EPHA5: variants seen among roughly 807,000 people sequenced by gnomAD.
EPHA5 encodes the protein ephrin type-A receptor 5.
Under a neutral mutation model 105.0 loss-of-function variants are expected in EPHA5, and 60 were observed. That is an observed-to-expected ratio of 0.57 (90% confidence interval 0.46 to 0.71). The LOEUF is 0.71. EPHA5 is among the 30% of genes least tolerant of loss of function. EPHA5 has a pLI of 0.00. For synonymous variants in EPHA5, 513 were observed against 449.1 expected (o/e 1.14, Z -1.80); for missense variants, 1,218 against 1,274.7 (o/e 0.96, Z 0.68).
chr4:65,430,189 C>T (rs1033887094), intron 5 of EPHA5, among the ~76,000 whole-genome samples: 4 of 152,006 alleles, frequency 2.6e-5, no homozygotes, highest in Non-Finnish European at 5.9e-5. Flanking sequence ...AAACAGATCA[C>T]GCAGAGAAAT....
intron 3 of EPHA5, among the ~76,000 whole-genome samples, chr4:65,564,792 C>T (rs1739362325): frequency 6.6e-6 from 1 of 151,666 alleles, no homozygotes. Context: ...TACATATATA[C>T]TTTTATAGAA....
chr4:65,347,352 T>C (rs1345724553), intron 14 of EPHA5, among the ~76,000 whole-genome samples: 1 of 152,162 alleles, frequency 6.6e-6, no homozygotes, highest in Non-Finnish European at 1.5e-5. Context: ...AATAAAAATA[T>C]GAAATTTCCA....
intron 3 of EPHA5, among the ~76,000 whole-genome samples, chr4:65,575,944 T>G (rs1195996990): frequency 2.8e-5 from 4 of 145,382 alleles, no homozygotes; most frequent in Admixed American, 7.1e-5. Flanking sequence ...GCCACTGCAC[T>G]GCAGTCTGGT....
intron 5 of EPHA5, among the ~76,000 whole-genome samples, chr4:65,430,021 G>GA (rs1488394084): frequency 6.6e-6 from 1 of 151,834 alleles, no homozygotes; most frequent in Non-Finnish European, 1.5e-5. Flanking sequence ...TTAAAGTCCA[G>GA]AAAAAAAGCC....
chr4:65,482,176 T>C (rs1290983708), intron 5 of EPHA5, among the ~76,000 whole-genome samples: 1 of 151,666 alleles, frequency 6.6e-6, no homozygotes, highest in East Asian at 2.0e-4. Flanking sequence ...TGGGTGCTTG[T>C]AATCCCACCT....
intron 1 of EPHA5, among the ~76,000 whole-genome samples, chr4:65,644,233 C>T (rs982409774): frequency 7.9e-5 from 12 of 152,006 alleles, no homozygotes; most frequent in Admixed American, 6.6e-4. Flanking sequence ...CATGCACACA[C>T]ATACACACTC....
At chr4:65,526,829 A>G (rs916888659) in intron 3 of EPHA5, among the ~76,000 whole-genome samples, 1 of 151,852 alleles carries the variant, frequency 6.6e-6, no homozygotes, top group African/African-American at 2.4e-5. Context: ...CATCTCCCTC[A>G]TTTTCTTCCT....
intron 3 of EPHA5, among the ~76,000 whole-genome samples, chr4:65,530,297 G>A (rs2149300219): frequency 6.6e-6 from 1 of 152,100 alleles, no homozygotes; most frequent in South Asian, 2.1e-4. Flanking sequence ...CTGTTACTAT[G>A]AGCAGTTGAT....
At chr4:65,343,267 A>G (rs1229877189) in intron 14 of EPHA5, among the ~76,000 whole-genome samples, 2 of 152,262 alleles carry the variant, frequency 1.3e-5, no homozygotes, top group East Asian at 3.9e-4. Flanking sequence ...AGCTTGAATC[A>G]GAGTTCATGG....
chr4:65,349,166 A>C (rs975639973), intron 13 of EPHA5, among the ~76,000 whole-genome samples: 1 of 151,838 alleles, frequency 6.6e-6, no homozygotes, highest in Non-Finnish European at 1.5e-5. Context: ...ACGTTGTGTT[A>C]TTTCTTTTAG....
intron 3 of EPHA5, among the ~76,000 whole-genome samples, chr4:65,530,870 C>G (rs1327521881): frequency 2.6e-5 from 4 of 152,094 alleles, no homozygotes; most frequent in African/African-American, 9.7e-5. Context: ...CAACAATAAG[C>G]TGACATTTAT....
At chr4:65,476,127 AGTGTGTGTGT>A (rs58933650) in intron 5 of EPHA5, among the ~76,000 whole-genome samples, 4 of 119,106 alleles carry the variant, frequency 3.4e-5, no homozygotes, top group Non-Finnish European at 5.3e-5. Context: ...AGAGAGAGAG[AGTGTGTGTGT>A]GTGTGTGTGT....
intron 5 of EPHA5, among the ~76,000 whole-genome samples, chr4:65,447,238 A>G (rs1453021676): frequency 6.6e-6 from 1 of 151,946 alleles, no homozygotes; most frequent in Non-Finnish European, 1.5e-5. Flanking sequence ...AAACAGTTAG[A>G]ATATGGCAAT....
At chr4:65,633,556 G>C (rs1031198706) in intron 2 of EPHA5, among the ~76,000 whole-genome samples, 1 of 151,930 alleles carries the variant, frequency 6.6e-6, no homozygotes, top group Non-Finnish European at 1.5e-5. Context: ...TCAATGTCAG[G>C]AGATTTTTTT....
chr4:65,377,772 T>A (rs928711370), intron 8 of EPHA5, among the ~76,000 whole-genome samples: 1 of 151,954 alleles, frequency 6.6e-6, no homozygotes. Context: ...ATCCAGGAAA[T>A]ACAAAGTAAA....
rs1477386460 is a variant in EPHA5 at position 65,351,465 on chromosome 4, T to G, written c.2369A>C (p.Asn790Thr). The G allele has an allele frequency of 6.2e-7, 1 of 1,613,758 alleles. No homozygotes were observed. The highest frequency in any genetic ancestry group is 8.5e-7 in the Non-Finnish European group (1 of 1,179,814). The change falls in exon 13 of 17, where the codon AAC becomes ACC. Residue 790 changes from asparagine to threonine, a missense_variant. Around this residue, in one of 3 missense-constraint regions of EPHA5, gnomAD observed 971 missense variants for 1,013.5 expected, o/e 0.96. Transcript: ENST00000613740. ...AAAGTCAGACACTTTGCACACAAGG[T>G]TACTGTTGATTAAGATGTTTCTGGC... ...LAARNILINSNLVCKVSDFGL... is the reference protein window; with the variant it reads ...LAARNILINSTLVCKVSDFGL...
At chr4:65,389,401 T>G (rs774478494) in intron 8 of EPHA5, among the ~76,000 whole-genome samples, 11 of 152,072 alleles carry the variant, frequency 7.2e-5, no homozygotes, top group South Asian at 2.1e-4. Context: ...TTCAACTCTT[T>G]TCTCTGTAAT....
At chr4:65,336,306 A>C (rs1281530547) in intron 14 of EPHA5, among the ~76,000 whole-genome samples, 181 bp from the exon 15 acceptor site, 1 of 152,088 alleles carries the variant, frequency 6.6e-6, no homozygotes, top group Non-Finnish European at 1.5e-5. Flanking sequence ...ACATAAAATA[A>C]ATATACTATC....
At position 65,331,978 on chromosome 4, in the gene EPHA5, G is replaced by C. The variant is rs371489573; in HGVS notation, c.2940C>G (p.Thr980=). The change falls in exon 16 of 17, where the codon ACC becomes ACG. Residue 980 remains threonine, a synonymous_variant. Transcript: ENST00000613740. The part of the protein sequence containing the change: ...YSSMDAVAQV[T]LEDLRRLGVT... ...TTATCAGAAAAATTACTCACTCCAA[G>C]GTCACCTGAGCCACAGCGTCCATTG... 1.3e-6 allele frequency: 2 copies of C among 1,596,154 alleles called. No individual in the cohort carries two copies. Among genetic ancestry groups the C allele is most frequent in the Middle Eastern group, 3.3e-4 (2 of 5,972 alleles).
Sources: allele counts gnomAD v4.1 joint callset (sites outside exome capture counted in the v4.1 genomes callset), GRCh38; gene constraint gnomAD v4.1.1; regional missense constraint gnomAD v4.1.1; transcripts MANE v1.5; gene names NCBI Gene and HGNC (gene_info 2026-07-23, HGNC 2026-07-21).